The following DAB1 variants were observed in gnomAD, a reference collection of about 807,000 sequenced individuals.
DAB1 encodes the protein disabled homolog 1.
DAB1 carries 15 observed loss-of-function variants against 64.6 expected under a neutral mutation model. The ratio of observed to expected loss-of-function variants is 0.23; its 90% CI spans 0.16 to 0.36. The LOEUF (loss-of-function observed/expected upper bound fraction) is 0.36. Among genes scored for constraint, DAB1 ranks in the 10% least tolerant of loss-of-function variants. The probability of loss-of-function intolerance (pLI) is 1.00; values close to 1 mark genes in which losing one functional copy is unlikely to be tolerated. For missense variants in DAB1, 596 were observed against 706.7 expected (o/e 0.84, Z 1.78); for synonymous variants, 235 against 251.9 (o/e 0.93, Z 0.64).
At chr1:57,704,867 G>A (rs1391806041) in intron 6 of DAB1, among the ~76,000 whole-genome samples, 2 of 86,448 alleles carry the variant, frequency 2.3e-5, no homozygotes, top group Non-Finnish European at 5.0e-5. Context: ...CTTGCTCTTT[G>A]GGAAATTTCT....
chr1:57,963,538 C>T (rs72922516), intron 5 of DAB1, among the ~76,000 whole-genome samples: 4,937 of 152,250 alleles, frequency 0.032, 166 homozygotes, highest in African/African-American at 0.082. Flanking sequence ...ATTACAAGCC[C>T]GGCACTTAGT....
At chr1:57,110,929 T>C (rs1009684385) in intron 4 of DAB1, among the ~76,000 whole-genome samples, 1 of 152,064 alleles carries the variant, frequency 6.6e-6, no homozygotes, top group Non-Finnish European at 1.5e-5. Context: ...CCAGCCTTGA[T>C]ATTTATATAT....
intron 4 of DAB1, among the ~76,000 whole-genome samples, chr1:57,106,843 A>G (rs1655207161): frequency 1.3e-5 from 2 of 152,274 alleles, no homozygotes; most frequent in African/African-American, 4.8e-5. Context: ...TGATAGAGGG[A>G]GAGATCCAGC....
At chr1:58,127,417 C>G (rs1013745051) in intron 5 of DAB1, among the ~76,000 whole-genome samples, 2 of 151,064 alleles carry the variant, frequency 1.3e-5, no homozygotes, top group African/African-American at 4.8e-5. Context: ...GTTGCCTGTT[C>G]ACTCTGATGG....
chr1:57,954,879 C>T (rs1415568355), intron 5 of DAB1, among the ~76,000 whole-genome samples: 1 of 152,144 alleles, frequency 6.6e-6, no homozygotes, highest in Non-Finnish European at 1.5e-5. Context: ...TTCTAGGTGA[C>T]AAATGGGGCA....
intron 7 of DAB1, among the ~76,000 whole-genome samples, chr1:57,456,820 T>C (rs1296976291): frequency 6.6e-6 from 1 of 152,126 alleles, no homozygotes; most frequent in Non-Finnish European, 1.5e-5. Flanking sequence ...GATTCTGAAA[T>C]TTCCGACCTG....
chr1:58,493,482 T>C (rs1645736671), intron 3 of DAB1, among the ~76,000 whole-genome samples: 1 of 151,696 alleles, frequency 6.6e-6, no homozygotes, highest in Non-Finnish European at 1.5e-5. Context: ...AAATTGTCCC[T>C]GTTTGCAGAT....
chr1:57,066,225 C>A (rs1268512116), intron 8 of DAB1, among the ~76,000 whole-genome samples: 1 of 152,126 alleles, frequency 6.6e-6, no homozygotes, highest in Admixed American at 6.5e-5. Context: ...TATAGGAAGC[C>A]TGTTCAGGCA....
chr1:58,357,026 CA>C (rs3990929), intron 3 of DAB1, among the ~76,000 whole-genome samples: 21,438 of 86,234 alleles, frequency 0.25, 1,297 homozygotes, highest in East Asian at 0.31. Context: ...ACCCTGTCTC[CA>C]AAAAAAAAAA....
intron 11 of DAB1, among the ~76,000 whole-genome samples, chr1:57,019,072 C>T (rs1646527754): frequency 6.6e-6 from 1 of 152,192 alleles, no homozygotes; most frequent in Non-Finnish European, 1.5e-5. Context: ...CTGTGCTCAC[C>T]TCTATCATGA....
At chr1:57,915,071 C>A (rs1217204783) in intron 5 of DAB1, among the ~76,000 whole-genome samples, 1 of 130,718 alleles carries the variant, frequency 7.7e-6, no homozygotes, top group Non-Finnish European at 1.6e-5. Context: ...CTAAATGAGA[C>A]AAATAGATAA....
At chr1:57,925,958 G>A (rs1644873517) in intron 5 of DAB1, among the ~76,000 whole-genome samples, 1 of 152,184 alleles carries the variant, frequency 6.6e-6, no homozygotes, top group Admixed American at 6.5e-5. Context: ...GGGGCTAGCT[G>A]AAGAGCCTTA....
intron 5 of DAB1, among the ~76,000 whole-genome samples, chr1:58,063,125 G>T (rs1033571824): frequency 4.6e-5 from 7 of 152,148 alleles, no homozygotes; most frequent in Non-Finnish European, 1.0e-4. Context: ...GTCCGAAGAG[G>T]CCCATTCCAT....
intron 2 of DAB1, among the ~76,000 whole-genome samples, chr1:57,180,997 A>C (rs1339065513): frequency 6.6e-6 from 1 of 152,166 alleles, no homozygotes; most frequent in East Asian, 1.9e-4. Context: ...TTTGTGGCAA[A>C]TGCTACTCAC....
At chr1:57,994,686 G>GGATA (rs1402314589) in intron 5 of DAB1, among the ~76,000 whole-genome samples, 1 of 152,184 alleles carries the variant, frequency 6.6e-6, no homozygotes, top group African/African-American at 2.4e-5. Context: ...GAGGGCTTCA[G>GGATA]GATAGCATCC....
At chr1:57,703,871 A>G (rs1646935588) in intron 6 of DAB1, among the ~76,000 whole-genome samples, 1 of 152,160 alleles carries the variant, frequency 6.6e-6, no homozygotes, top group Admixed American at 6.6e-5. Context: ...AAAGAATGAG[A>G]TCATGTCCTT....
intron 6 of DAB1, among the ~76,000 whole-genome samples, chr1:57,750,690 G>A (rs1427775181): frequency 6.6e-6 from 1 of 152,052 alleles, no homozygotes; most frequent in East Asian, 1.9e-4. Flanking sequence ...AAACAGAAGG[G>A]GCTAAACTAG....
intron 4 of DAB1, among the ~76,000 whole-genome samples, chr1:58,163,476 A>G (rs1433001758): frequency 1.3e-5 from 2 of 152,200 alleles, no homozygotes. Flanking sequence ...AGCAAAATCA[A>G]CCATCCCAGA....
chr1:58,304,043 T>G (rs565551488), intron 4 of DAB1, among the ~76,000 whole-genome samples: 2 of 152,204 alleles, frequency 1.3e-5, no homozygotes, highest in East Asian at 3.9e-4. Flanking sequence ...GCCTTGCAAA[T>G]AGACTTGCCC....
Sources: gnomAD v4.1 joint callset for allele counts (sites outside exome capture counted in the v4.1 genomes callset) on GRCh38, gnomAD v4.1.1 for gene constraint, MANE v1.5 for transcripts, NCBI Gene and HGNC (gene_info 2026-07-23, HGNC 2026-07-21) for gene names.